LIX1L: variants seen among roughly 807,000 people sequenced by gnomAD.
The protein encoded by LIX1L is LIX1-like protein.
A neutral mutation model predicts 34.0 loss-of-function variants in LIX1L; 20 were observed. That is an observed-to-expected ratio of 0.59 (90% CI 0.41 to 0.85). The LOEUF is 0.85. Among genes scored for constraint, LIX1L ranks in the 40% least tolerant of loss-of-function variants. The pLI is 0.00. For missense variants in LIX1L, 397 were observed against 447.0 expected, an observed-to-expected ratio of 0.89 and a Z score of 1.01; for synonymous variants, 170 against 187.4, an observed-to-expected ratio of 0.91 and a Z score of 0.76.
intron 4 of LIX1L, 118 bp downstream of exon 4, chr1:145,937,486 T>C (rs1648704600): frequency 1.5e-6 from 1 of 655,088 alleles, no homozygotes; most frequent in African/African-American, 1.8e-5. Context: ...TGAAAAATAG[T>C]GTAACAACCT....
intron 1 of LIX1L, among the ~76,000 whole-genome samples, chr1:145,956,728 A>G (rs1468642116): frequency 3.1e-4 from 47 of 152,210 alleles, no homozygotes; most frequent in Admixed American, 3.1e-3. Flanking sequence ...CACACCCTTC[A>G]CTATATATTC....
At chr1:145,952,491 C>T (rs191988352) in intron 1 of LIX1L, among the ~76,000 whole-genome samples, 16 of 152,256 alleles carry the variant, frequency 1.1e-4, no homozygotes, top group African/African-American at 1.7e-4. Flanking sequence ...AGTGCTTATA[C>T]CCTGCTGTTG....
intron 1 of LIX1L, chr1:145,949,172 A>G (rs1649204801): frequency 1.3e-5 from 2 of 152,208 alleles, no homozygotes; most frequent in Non-Finnish European, 2.9e-5. Flanking sequence ...ACTTCCTCTC[A>G]TCCCTACGTT....
chr1:145,950,618 G>A (rs1048608493), intron 1 of LIX1L, among the ~76,000 whole-genome samples: 2 of 151,786 alleles, frequency 1.3e-5, no homozygotes, highest in African/African-American at 2.4e-5. Context: ...CGCCCGCCTC[G>A]GCCTCCCAAA....
At chr1:145,942,678 C>G in intron 3 of LIX1L, 35 bp downstream of exon 3, 1 of 1,607,720 alleles carries the variant, frequency 6.2e-7, no homozygotes, top group Non-Finnish European at 8.5e-7. Flanking sequence ...TCTCCCATCT[C>G]CCACTCTCCT....
At chr1:145,941,746 TCTC>T (rs1648927496) in intron 3 of LIX1L, among the ~76,000 whole-genome samples, 1 of 152,122 alleles carries the variant, frequency 6.6e-6, no homozygotes, top group South Asian at 2.1e-4. Flanking sequence ...GTGTTTTTAG[TCTC>T]CTCATCTGTA....
chr1:145,951,680 G>A (rs1209405541), intron 1 of LIX1L, among the ~76,000 whole-genome samples: 1 of 152,168 alleles, frequency 6.6e-6, no homozygotes, highest in East Asian at 1.9e-4. Context: ...AGCCATCTTT[G>A]TTCTTTCCGT....
intron 1 of LIX1L, among the ~76,000 whole-genome samples, chr1:145,957,382 T>G (rs887709317): frequency 9.2e-5 from 14 of 152,142 alleles, no homozygotes; most frequent in Non-Finnish European, 1.9e-4. Flanking sequence ...GGAGAAAAGC[T>G]TAGGAAGAAA....
chr1:145,944,986 C>T (rs1189936159), intron 2 of LIX1L, among the ~76,000 whole-genome samples: 1 of 151,542 alleles, frequency 6.6e-6, no homozygotes, highest in East Asian at 1.9e-4. Flanking sequence ...CATTATTGTG[C>T]CACTGTACTT....
At chr1:145,936,866 A>G in intron 5 of LIX1L, 42 bp downstream of exon 5, 2 of 1,305,228 alleles carry the variant, frequency 1.5e-6, no homozygotes, top group Non-Finnish European at 2.2e-6. Context: ...CCACTGACAG[A>G]TTGTGCTCCC....
At position 145,936,002 on chromosome 1, in the gene LIX1L, T is replaced by G; in HGVS notation, c.*308A>C. ...AAAGAAGGACACATGAACACTAGAG[T>G]TAATCTTTTAGTGCTACTGAAATGG... On this transcript the variant is annotated 3_prime_UTR_variant, in exon 6 of 6. Transcript: ENST00000604000. The G allele has an allele frequency of 3.0e-6, 1 of 329,362 alleles. No individual in the cohort carries two copies. The highest frequency in any genetic ancestry group is 5.7e-6 in the Non-Finnish European group (1 of 176,978). The allele number at this position is 329,362 out of a possible 1,614,324, so 20.4% of individuals were successfully genotyped here. A position where few individuals can be genotyped will look rare whatever the true frequency, so the allele number is the denominator to read the frequency against.
intron 1 of LIX1L, among the ~76,000 whole-genome samples, chr1:145,953,436 C>G (rs1553760027): frequency 6.6e-6 from 1 of 152,100 alleles, no homozygotes; most frequent in Non-Finnish European, 1.5e-5. Flanking sequence ...TGACTCTATT[C>G]ACATTATTAT....
At chr1:145,941,885 G>A (rs1553758686) in intron 3 of LIX1L, 1 of 151,900 alleles carries the variant, frequency 6.6e-6, no homozygotes. Flanking sequence ...GATTAATTAT[G>A]GTTATTCTTC....
chr1:145,957,580 G>T, intron 1 of LIX1L, 56 bp downstream of exon 1: 1 of 1,406,190 alleles, frequency 7.1e-7, no homozygotes, highest in East Asian at 2.9e-5. Context: ...GAGGACTGTG[G>T]GAGCAAGGCT....
intron 3 of LIX1L, among the ~76,000 whole-genome samples, chr1:145,940,567 T>C (rs1395309660): frequency 2.9e-4 from 41 of 139,496 alleles, no homozygotes; most frequent in Non-Finnish European, 4.3e-4. Flanking sequence ...TTTTTTTTTT[T>C]GTGAGACACA....
chr1:145,939,428 C>T (rs1404723215), intron 3 of LIX1L, among the ~76,000 whole-genome samples: 1 of 151,710 alleles, frequency 6.6e-6, no homozygotes, highest in Non-Finnish European at 1.5e-5. Flanking sequence ...ACCTCAGCCT[C>T]CCACGTAGCT....
At chr1:145,939,153 T>C (rs1230753260) in intron 3 of LIX1L, among the ~76,000 whole-genome samples, 2 of 151,812 alleles carry the variant, frequency 1.3e-5, no homozygotes, top group African/African-American at 4.8e-5. Flanking sequence ...AATTATTTTA[T>C]TATTTTTTTG....
At chr1:145,938,602 C>T (rs1162288327) in intron 3 of LIX1L, among the ~76,000 whole-genome samples, 12 of 145,602 alleles carry the variant, frequency 8.2e-5, no homozygotes, top group African/African-American at 2.8e-4. Flanking sequence ...TTTTTTGAGA[C>T]GGAGTCTCAT....
intron 5 of LIX1L, 114 bp downstream of exon 5, chr1:145,936,794 A>G (rs1467415329): frequency 4.7e-6 from 4 of 858,180 alleles, no homozygotes; most frequent in African/African-American, 1.7e-5. Context: ...AAGGCTTTCA[A>G]TATTCACAAC....
Sources: gnomAD v4.1 joint callset for allele counts (sites outside exome capture counted in the v4.1 genomes callset) on GRCh38, gnomAD v4.1.1 for gene constraint, MANE v1.5 for transcripts, NCBI Gene and HGNC (gene_info 2026-07-23, HGNC 2026-07-21) for gene names.